LIMA1: variants seen among roughly 807,000 people sequenced by gnomAD.
The protein encoded by LIMA1 is LIM domain and actin binding 1, also known as LIM domain and actin-binding protein 1.
LIMA1 carries 52 observed loss-of-function variants against 62.6 expected under a neutral mutation model. The ratio of observed to expected loss-of-function variants is 0.83; its 90% CI spans 0.67 to 1.05. The LOEUF (loss-of-function observed/expected upper bound fraction) is 1.05. Ranked by LOEUF, LIMA1 falls within the 50% of genes least tolerant of loss-of-function variation. The pLI, the probability that LIMA1 is intolerant of heterozygous loss-of-function variation, is 0.00. For synonymous variants in LIMA1, 302 were observed against 317.8 expected (o/e 0.95, Z 0.53); for missense variants, 780 against 902.2 (o/e 0.86, Z 1.74).
chr12:50,217,712 GA>G, intron 4 of LIMA1: 1 of 279,904 alleles, frequency 3.6e-6, no homozygotes, highest in Non-Finnish European at 7.0e-6. Context: ...ACAGTGGGGG[GA>G]AGGTGTTCGA....
At chr12:50,225,244 AATTTATTATTTTTC>A (rs1438885963) in intron 3 of LIMA1, among the ~76,000 whole-genome samples, 6 of 151,946 alleles carry the variant, frequency 3.9e-5, no homozygotes, top group African/African-American at 1.5e-4. Flanking sequence ...TCTTATTTTT[AATTTATTATTTTTC>A]TCAATTAAAA....
At chr12:50,251,769 G>C (rs1941934264) in intron 1 of LIMA1, among the ~76,000 whole-genome samples, 1 of 152,092 alleles carries the variant, frequency 6.6e-6, no homozygotes, top group Non-Finnish European at 1.5e-5. Flanking sequence ...GTTAAGAAAA[G>C]TCAGAACATC....
At chr12:50,186,875 G>T (rs1159425520) in intron 9 of LIMA1, 1 of 152,200 alleles carries the variant, frequency 6.6e-6, no homozygotes, top group Non-Finnish European at 1.5e-5. Context: ...CACAAACCAA[G>T]AGAGCATTTT....
intron 10 of LIMA1, among the ~76,000 whole-genome samples, chr12:50,180,318 GA>G (rs1940468579): frequency 6.7e-6 from 1 of 148,568 alleles, no homozygotes; most frequent in African/African-American, 2.5e-5. Flanking sequence ...AAAAAAAAAA[GA>G]AAGAAATTAG....
chr12:50,198,665 G>T (rs1940980264), intron 7 of LIMA1, among the ~76,000 whole-genome samples: 1 of 152,196 alleles, frequency 6.6e-6, no homozygotes, highest in Admixed American at 6.5e-5. Context: ...GTCAATAAGT[G>T]TAACAGAAGC....
At chr12:50,244,016 G>A (rs546506423) in intron 2 of LIMA1, among the ~76,000 whole-genome samples, 2 of 152,100 alleles carry the variant, frequency 1.3e-5, no homozygotes, top group East Asian at 3.9e-4. Flanking sequence ...CCAGGCTCCA[G>A]TGATTCTTCC....
chr12:50,232,043 CTT>C (rs750844822), intron 2 of LIMA1, among the ~76,000 whole-genome samples: 6 of 83,480 alleles, frequency 7.2e-5, no homozygotes, highest in Admixed American at 1.4e-4. Flanking sequence ...GAGTGCCCAG[CTT>C]TTTTTTTTTT....
intron 1 of LIMA1, among the ~76,000 whole-genome samples, chr12:50,270,324 C>T (rs1225424981): frequency 2.0e-5 from 3 of 150,466 alleles, no homozygotes; most frequent in Non-Finnish European, 4.4e-5. Flanking sequence ...TTGGGCCAGG[C>T]ACAGTGGCTC....
chr12:50,191,629 G>C (rs1332454216), intron 9 of LIMA1, among the ~76,000 whole-genome samples: 1 of 151,996 alleles, frequency 6.6e-6, no homozygotes. Context: ...AGACCATCCC[G>C]GCTAACACGG....
At chr12:50,197,965 A>G (rs1940966716) in intron 7 of LIMA1, among the ~76,000 whole-genome samples, 1 of 152,234 alleles carries the variant, frequency 6.6e-6, no homozygotes, top group Non-Finnish European at 1.5e-5. Context: ...CTAATGCCTG[A>G]GTCCACTGCT....
chr12:50,202,868 G>C (rs1440990366), intron 6 of LIMA1, among the ~76,000 whole-genome samples: 2 of 152,068 alleles, frequency 1.3e-5, no homozygotes, highest in Non-Finnish European at 2.9e-5. Context: ...TAGACAATTA[G>C]GACATCAAGA....
intron 4 of LIMA1, among the ~76,000 whole-genome samples, chr12:50,216,446 C>T (rs1440246280): frequency 1.3e-5 from 2 of 152,028 alleles, no homozygotes; most frequent in African/African-American, 4.8e-5. Context: ...AACTCTCGAC[C>T]TCAGGTGATC....
At chr12:50,179,256 C>T (rs1335792195) in intron 10 of LIMA1, among the ~76,000 whole-genome samples, 1 of 152,042 alleles carries the variant, frequency 6.6e-6, no homozygotes, top group East Asian at 1.9e-4. Context: ...ATTCTCCTAC[C>T]TCAGCCTCCT....
intron 8 of LIMA1, among the ~76,000 whole-genome samples, chr12:50,193,606 A>ATGTATATATGATATATATATATACATG: frequency 9.0e-6 from 1 of 111,670 alleles, no homozygotes; most frequent in African/African-American, 3.6e-5. Flanking sequence ...ATATATATAC[A>ATGTATATATGATATATATATATACATG]TGTATATATA....
rs2138724975 is a variant in LIMA1 at position 50,282,734 on chromosome 12, G to A, written c.-24+686C>T. On this transcript the variant is annotated intron_variant, in intron 1 of 10. Coordinates refer to ENST00000341247, the MANE Select transcript of LIMA1 (RefSeq NM_016357.5). ...GTTCAAATATCTCTCACCAGGATCA[G>A]CTAAACCGTTCTTGCAAGCATCAGT... Among the ~76,000 whole-genome samples, 2 of 152,342 alleles carry A rather than the reference G, an allele frequency of 1.3e-5. 1 individual carries two copies. The highest frequency in any genetic ancestry group is 4.1e-4 in the South Asian group (2 of 4,830).
At chr12:50,248,582 G>T in intron 2 of LIMA1, 51 bp downstream of exon 2, 1 of 1,091,218 alleles carries the variant, frequency 9.2e-7, no homozygotes, top group Non-Finnish European at 1.4e-6. Flanking sequence ...CTGACAGGTG[G>T]CAATGTGTGC....
At chr12:50,270,687 A>T in intron 1 of LIMA1, among the ~76,000 whole-genome samples, 1 of 150,532 alleles carries the variant, frequency 6.6e-6, no homozygotes, top group East Asian at 2.0e-4. Context: ...CTATTACCTT[A>T]TTCATTTGTG....
intron 1 of LIMA1, among the ~76,000 whole-genome samples, chr12:50,263,847 T>G (rs151181385): frequency 0.021 from 2,122 of 101,650 alleles, 64 homozygotes; most frequent in African/African-American, 0.084. Flanking sequence ...TATATATATA[T>G]ATATAGAGAG....
intron 7 of LIMA1, among the ~76,000 whole-genome samples, chr12:50,197,657 C>T (rs1169280185): frequency 6.6e-6 from 1 of 152,130 alleles, no homozygotes; most frequent in African/African-American, 2.4e-5. Flanking sequence ...AGTTTCAAAT[C>T]AGCATGAAGA....
Sources: gnomAD v4.1 joint callset for allele counts (sites outside exome capture counted in the v4.1 genomes callset) on GRCh38, gnomAD v4.1.1 for gene constraint, MANE v1.5 for transcripts, NCBI Gene and HGNC (gene_info 2026-07-23, HGNC 2026-07-21) for gene names.